Variants in ZDHHC15 observed in about 807,000 individuals in gnomAD.
ZDHHC15 encodes zDHHC palmitoyltransferase 15.
A neutral mutation model predicts 31.7 loss-of-function variants in ZDHHC15; 19 were observed. The ratio of observed to expected loss-of-function variants is 0.60; its 90% CI spans 0.42 to 0.88. ZDHHC15 has a LOEUF of 0.88. Ranked by LOEUF, ZDHHC15 falls within the 40% of genes least tolerant of loss-of-function variation. The pLI, the probability that ZDHHC15 is intolerant of heterozygous loss-of-function variation, is 0.00. For synonymous variants in ZDHHC15, 103 were observed against 90.0 expected (o/e 1.14, Z -0.82); for missense variants, 209 against 251.2 (o/e 0.83, Z 1.14).
At position 75,403,594 on chromosome X, in the gene ZDHHC15, C is replaced by G. The variant is rs770722813; in HGVS notation, c.967+13493G>C. ...TTCCTATACACCAACAACAGTCAAACCAAGAGCCAAATCAGGAACGAATTC... is the reference window on the plus strand; with the variant it reads ...TTCCTATACACCAACAACAGTCAAAGCAAGAGCCAAATCAGGAACGAATTC... On this transcript the variant is annotated intron_variant, in intron 10 of 11. Transcript: ENST00000373367. 5.4e-5 allele frequency among the ~76,000 whole-genome samples: 6 copies of G among 111,782 alleles called. No homozygotes were observed. The East Asian group carries it at 1.7e-3, about 31-fold the overall frequency.
intron 10 of ZDHHC15, among the ~76,000 whole-genome samples, chrX:75,394,277 CA>C (rs1256902629): frequency 9.1e-6 from 1 of 109,944 alleles, no homozygotes; most frequent in Non-Finnish European, 1.9e-5. Context: ...ACAGGAAGGA[CA>C]AAAAACAAAA....
At chrX:75,439,057 C>T (rs1378186426) in intron 4 of ZDHHC15, among the ~76,000 whole-genome samples, 1 of 111,407 alleles carries the variant, frequency 9.0e-6, no homozygotes, top group Non-Finnish European at 1.9e-5. Flanking sequence ...TCATAGGTTA[C>T]CTGATGCTTT....
chrX:75,392,137 A>T (rs1378937798), intron 10 of ZDHHC15, among the ~76,000 whole-genome samples: 1 of 112,220 alleles, frequency 8.9e-6, no homozygotes, highest in African/African-American at 3.2e-5. Context: ...TTTATTAAGC[A>T]TTAATTCACA....
Position 75,489,033 on chromosome X carries a change from C to T in ZDHHC15, c.164-10048G>A, listed in dbSNP as rs550205895. Among the ~76,000 whole-genome samples, 8 of 111,578 alleles carry T rather than the reference C, an allele frequency of 7.2e-5. No individual in the cohort carries two copies. The East Asian group carries it at 1.1e-3, about 16-fold the overall frequency. On this transcript the variant is annotated intron_variant, in intron 2 of 11. Coordinates refer to ENST00000373367, the MANE Select transcript of ZDHHC15 (RefSeq NM_144969.3). ...AGCAGTCTGAGATCAAACTGCAAGG[C>T]GGCAGGGGGGAGGAGTGCCCGCCAT...
intron 2 of ZDHHC15, among the ~76,000 whole-genome samples, chrX:75,487,921 A>G (rs2084804185): frequency 8.9e-6 from 1 of 112,528 alleles, no homozygotes; most frequent in African/African-American, 3.2e-5. Flanking sequence ...CAAAGAGAAG[A>G]AAAAACTTCA....
chrX:75,467,546 A>C (rs1437981656), intron 3 of ZDHHC15, among the ~76,000 whole-genome samples: 1 of 112,120 alleles, frequency 8.9e-6, no homozygotes, highest in Admixed American at 9.5e-5. Flanking sequence ...GTGGCTATTA[A>C]ATTGGCCCAA....
rs1026562106 is a variant in ZDHHC15 at position 75,369,254 on chromosome X, T to G, written c.*3724A>C. 9.0e-6 allele frequency: 1 copy of G among 111,673 alleles called. No homozygotes were observed. Among genetic ancestry groups the G allele is most frequent in the Non-Finnish European group, 1.9e-5 (1 of 53,167 alleles). The allele number at this position is 111,673 out of a possible 1,213,427, so 9.2% of individuals were successfully genotyped here. A position where few individuals can be genotyped will look rare whatever the true frequency, so the allele number is the denominator to read the frequency against. ...TCTAAAAGGAGAAAACAGATAATCATTCTTTTAAATTAAAGTATTTGCTCC... is the reference window on the plus strand; with the variant it reads ...TCTAAAAGGAGAAAACAGATAATCAGTCTTTTAAATTAAAGTATTTGCTCC... On this transcript the variant is annotated 3_prime_UTR_variant, in exon 12 of 12. Transcript: ENST00000373367.
chrX:75,463,425 T>C (rs1214976852), intron 3 of ZDHHC15, among the ~76,000 whole-genome samples: 1 of 111,166 alleles, frequency 9.0e-6, no homozygotes, highest in East Asian at 2.8e-4. Context: ...TTCATCTTGA[T>C]ACCAAAACCT....
intron 1 of ZDHHC15, among the ~76,000 whole-genome samples, chrX:75,520,866 TGATTCA>T (rs768492632): frequency 9.0e-6 from 1 of 111,388 alleles, no homozygotes; most frequent in South Asian, 3.8e-4. Flanking sequence ...ATTCCAATTG[TGATTCA>T]GAGAGGTAAT....
At chrX:75,494,857 C>T (rs1474413781) in intron 2 of ZDHHC15, among the ~76,000 whole-genome samples, 4 of 111,873 alleles carry the variant, frequency 3.6e-5, no homozygotes, top group Non-Finnish European at 5.6e-5. Context: ...CAATACCATT[C>T]AGGACATAGG....
intron 1 of ZDHHC15, among the ~76,000 whole-genome samples, chrX:75,517,788 A>ACTCGC (rs2085382389): frequency 9.0e-6 from 1 of 110,516 alleles, no homozygotes; most frequent in African/African-American, 3.3e-5. Context: ...GCCAGATATA[A>ACTCGC]AAAATTAACT....
At chrX:75,452,966 T>A (rs997079736) in intron 3 of ZDHHC15, among the ~76,000 whole-genome samples, 1 of 111,082 alleles carries the variant, frequency 9.0e-6, no homozygotes, top group African/African-American at 3.3e-5. Flanking sequence ...ATATTGCAAT[T>A]AAAAGAACTA....
intron 4 of ZDHHC15, among the ~76,000 whole-genome samples, chrX:75,444,854 T>C (rs1437903415): frequency 2.8e-5 from 3 of 107,854 alleles, no homozygotes; most frequent in Non-Finnish European, 5.7e-5. Flanking sequence ...CCTGACTGCA[T>C]GAGATAAAAC....
chrX:75,450,962 G>C (rs988338567), intron 3 of ZDHHC15, 40 bp from the exon 4 acceptor site: 2 of 1,172,982 alleles, frequency 1.7e-6, no homozygotes, highest in African/African-American at 3.6e-5. Flanking sequence ...ATTATCTAAA[G>C]TTAATAGAAA....
intron 2 of ZDHHC15, among the ~76,000 whole-genome samples, chrX:75,503,098 T>C (rs1371533264): frequency 9.1e-6 from 1 of 110,417 alleles, no homozygotes; most frequent in Non-Finnish European, 1.9e-5. Flanking sequence ...AAATATCTCA[T>C]GTACCTCCTA....
intron 1 of ZDHHC15, among the ~76,000 whole-genome samples, chrX:75,508,506 C>T (rs1169880498): frequency 9.2e-6 from 1 of 109,128 alleles, no homozygotes; most frequent in East Asian, 2.9e-4. Flanking sequence ...CATAGTATTC[C>T]ATGGTGTATA....
chrX:75,522,824 G>A (rs2085461384), intron 1 of ZDHHC15, 65 bp downstream of exon 1: 18 of 1,185,876 alleles, frequency 1.5e-5, no homozygotes, highest in Non-Finnish European at 1.7e-5. Flanking sequence ...ACACCAGTGT[G>A]AAGGTAGGGC....
intron 1 of ZDHHC15, among the ~76,000 whole-genome samples, chrX:75,521,788 G>A (rs1254093718): frequency 1.8e-5 from 2 of 111,447 alleles, no homozygotes; most frequent in Non-Finnish European, 3.8e-5. Context: ...TGAGAAGTAA[G>A]AAGAAATAAT....
chrX:75,500,403 AAT>A lies in ZDHHC15; in HGVS notation c.163+5416_163+5417del, dbSNP rs200347322. ...ATACATTTATGATATATTATTAAAAAATATAGTTTCAGAAAAATATGCACAGT... is the reference window on the plus strand; with the variant it reads ...ATACATTTATGATATATTATTAAAAAATAGTTTCAGAAAAATATGCACAGT... On this transcript the variant is annotated intron_variant, in intron 2 of 11. Coordinates refer to ENST00000373367, the MANE Select transcript of ZDHHC15 (RefSeq NM_144969.3). Among the ~76,000 whole-genome samples, 525 of 110,669 alleles carry A rather than the reference AAT, an allele frequency of 4.7e-3. 5 individuals carry two copies. The highest frequency in any genetic ancestry group is 0.016 in the African/African-American group (495 of 30,649).
Sources: allele counts gnomAD v4.1 joint callset (sites outside exome capture counted in the v4.1 genomes callset), GRCh38; gene constraint gnomAD v4.1.1; transcripts MANE v1.5; gene names NCBI Gene and HGNC (gene_info 2026-07-23, HGNC 2026-07-21).